Variants in CBL observed in about 807,000 individuals in gnomAD.
CBL encodes the protein E3 ubiquitin-protein ligase CBL.
In CBL, 45 loss-of-function variants were observed where a neutral mutation model predicts 96.9. The observed-to-expected ratio is 0.46, with a 90% confidence interval of 0.37 to 0.60. CBL has a LOEUF of 0.60. CBL is among the 20% of genes least tolerant of loss of function. The pLI is 0.00. For synonymous variants in CBL, 420 were observed against 426.8 expected, an observed-to-expected ratio of 0.98 and a Z score of 0.20; for missense variants, 1,024 against 1,143.5, an observed-to-expected ratio of 0.90 and a Z score of 1.51.
intron 1 of CBL, among the ~76,000 whole-genome samples, 180 bp from the exon 2 acceptor site, chr11:119,232,268 C>T (rs1052872537): frequency 6.6e-6 from 1 of 152,076 alleles, no homozygotes; most frequent in Non-Finnish European, 1.5e-5. Context: ...TTCTGGGGGA[C>T]CACTAAAAAT....
intron 12 of CBL, among the ~76,000 whole-genome samples, chr11:119,291,816 T>C (rs1322793219): frequency 6.6e-6 from 1 of 152,174 alleles, no homozygotes; most frequent in Non-Finnish European, 1.5e-5. Flanking sequence ...GTATCTTCCT[T>C]TGTGGTTTTG....
chr11:119,237,564 A>G (rs1385399508), intron 2 of CBL, among the ~76,000 whole-genome samples: 1 of 152,058 alleles, frequency 6.6e-6, no homozygotes, highest in Non-Finnish European at 1.5e-5. Context: ...TGTATATGGT[A>G]TGAGGTAGAG....
intron 1 of CBL, among the ~76,000 whole-genome samples, chr11:119,228,814 C>T (rs113350211): frequency 0.015 from 935 of 63,058 alleles, 12 homozygotes; most frequent in African/African-American, 0.073. Flanking sequence ...CTCTCTCTCT[C>T]TTTTTTTTTT....
chr11:119,227,971 T>C (rs1949471550), intron 1 of CBL, among the ~76,000 whole-genome samples: 1 of 152,222 alleles, frequency 6.6e-6, no homozygotes, highest in Non-Finnish European at 1.5e-5. Flanking sequence ...GTTGAATGAA[T>C]ATGTTGAGAA....
In CBL at chr11:119,206,681, A is replaced by T. The variant is rs2135244377; in HGVS notation, c.195+69A>T. ...GCGGAGGGCCGCGGGGAGGGGAACG[A>T]GCGGACGGAGGAAGCGGGGGAGGGG... On this transcript the variant is annotated intron_variant, in intron 1 of 15. Coordinates refer to ENST00000264033, the MANE Select transcript of CBL (RefSeq NM_005188.4). The T allele has an allele frequency of 1.9e-5, 24 of 1,296,592 alleles. No homozygotes were observed. The South Asian group carries it at 2.8e-4, about 15-fold the overall frequency. The allele number at this position is 1,296,592 out of a possible 1,614,324, so 80.3% of individuals were successfully genotyped here.
At chr11:119,220,181 A>G (rs1283037275) in intron 1 of CBL, among the ~76,000 whole-genome samples, 1 of 151,824 alleles carries the variant, frequency 6.6e-6, no homozygotes, top group African/African-American at 2.4e-5. Context: ...TTGTATATTT[A>G]GTAGAGATGG....
intron 2 of CBL, among the ~76,000 whole-genome samples, chr11:119,254,829 T>C (rs1220273910): frequency 6.6e-6 from 1 of 152,158 alleles, no homozygotes; most frequent in African/African-American, 2.4e-5. Context: ...CTGAAACTCC[T>C]GACCTCAGGT....
At chr11:119,292,241 A>G (rs189264197) in intron 12 of CBL, among the ~76,000 whole-genome samples, 1 of 152,236 alleles carries the variant, frequency 6.6e-6, no homozygotes, top group African/African-American at 2.4e-5. Context: ...AATCAGTTTT[A>G]GGACATTGTC....
chr11:119,300,786 T>C lies in CBL; in HGVS notation c.*1005T>C. The C allele has an allele frequency of 2.6e-6, 1 of 385,360 alleles. No homozygotes were observed. The highest frequency in any genetic ancestry group is 4.6e-6 in the Non-Finnish European group (1 of 217,794). 23.9% of individuals were successfully genotyped at this position (385,360 alleles called of 1,614,324 possible). On this transcript the variant is annotated 3_prime_UTR_variant, in exon 16 of 16. Coordinates refer to ENST00000264033, the MANE Select transcript of CBL (RefSeq NM_005188.4). ...TGATGTAGGTCATGAGTCTTTCTAC[T>C]TAATGGGAAGGGAAGAACATTTGTT... is the stretch of plus-strand genomic sequence containing the variant.
rs1267836314 is a variant in CBL at position 119,284,452 on chromosome 11, G to A, written c.1432-517G>A. 2.0e-5 allele frequency among the ~76,000 whole-genome samples: 3 copies of A among 151,916 alleles called. No individual in the cohort carries two copies. In the South Asian group the frequency reaches 6.2e-4, roughly 32 times the overall value. ...TCCCAAATAGCTGTGTGCCACCATG[G>A]CCCAGCTAATTTTTTATTTTATTTT... On this transcript the variant is annotated intron_variant, in intron 9 of 15. Transcript: ENST00000264033.
Position 119,268,110 on chromosome 11 carries a change from A to G in CBL, c.444-3625A>G, listed in dbSNP as rs886292244. On this transcript the variant is annotated intron_variant, in intron 2 of 15. Coordinates refer to ENST00000264033, the MANE Select transcript of CBL (RefSeq NM_005188.4). The stretch of plus-strand genomic sequence containing the variant: ...AGAAAGATAGGTTAGATCCAGGTCA[A>G]TGGAAAGCCTTAAAATCCAAGCTGA... Among the ~76,000 whole-genome samples, 20 of 152,254 alleles carry G rather than the reference A, an allele frequency of 1.3e-4. 1 individual carries two copies. The highest frequency in any genetic ancestry group is 6.3e-3 in the Middle Eastern group (2 of 316).
At position 119,285,247 on chromosome 11, in the gene CBL, A is replaced by G; in HGVS notation, c.1622A>G (p.Asp541Gly). ...KPLPVPPTLR[D>G]LPPPPPPDRP... is the part of the protein sequence containing the mutation. Reference sequence around the variant, plus strand: ...TTGCCAGTACCTCCCACACTTCGAGATCTTCCACCACCACCGCCTCCAGAC... The same window carrying G: ...TTGCCAGTACCTCCCACACTTCGAGGTCTTCCACCACCACCGCCTCCAGAC... Residue 541 changes from aspartate to glycine, a missense_variant, in exon 11 of 16, where the codon GAT (aspartate) becomes GGT (glycine). Transcript: ENST00000264033. The G allele has an allele frequency of 1.2e-6, 2 of 1,613,806 alleles. No homozygotes were observed. The highest frequency in any genetic ancestry group is 1.3e-5 in the African/African-American group (1 of 74,914).
At chr11:119,235,732 T>C (rs977852543) in intron 2 of CBL, among the ~76,000 whole-genome samples, 1 of 152,240 alleles carries the variant, frequency 6.6e-6, no homozygotes, top group South Asian at 2.1e-4. Flanking sequence ...CTCAACTATA[T>C]CTAATTTGCC....
intron 2 of CBL, among the ~76,000 whole-genome samples, chr11:119,263,646 C>CGTTTT (rs539584266): frequency 4.3e-4 from 65 of 152,116 alleles, no homozygotes; most frequent in Middle Eastern, 3.4e-3. Context: ...TGATGGTTTT[C>CGTTTT]GTTTTGTTTT....
intron 2 of CBL, among the ~76,000 whole-genome samples, chr11:119,239,521 C>A (rs142847424): frequency 7.0e-4 from 106 of 152,304 alleles, no homozygotes; most frequent in African/African-American, 2.4e-3. Context: ...TTCCTAGATA[C>A]CAGATCATGT....
chr11:119,277,649 A>G (rs1254382103), intron 6 of CBL, 108 bp from the exon 7 acceptor site: 62 of 742,624 alleles, frequency 8.3e-5, no homozygotes, highest in African/African-American at 1.7e-5. Flanking sequence ...TTATACTTAC[A>G]CCACGTTGCC....
chr11:119,287,144 T>A (rs1949990414), intron 11 of CBL, among the ~76,000 whole-genome samples: 1 of 152,198 alleles, frequency 6.6e-6, no homozygotes, highest in Non-Finnish European at 1.5e-5. Context: ...GAGAGAATCA[T>A]TGTTTATGAG....
intron 1 of CBL, among the ~76,000 whole-genome samples, chr11:119,224,682 C>T (rs1448547775): frequency 6.6e-6 from 1 of 151,962 alleles, no homozygotes; most frequent in Non-Finnish European, 1.5e-5. Context: ...CCTCTGCCTC[C>T]CGGGTTCAAG....
intron 1 of CBL, among the ~76,000 whole-genome samples, chr11:119,214,248 T>A (rs866615611): frequency 1.1e-4 from 17 of 151,878 alleles, no homozygotes; most frequent in Non-Finnish European, 2.4e-4. Flanking sequence ...CGGACTTTTT[T>A]TTTTTTTTTA....
Sources: allele counts gnomAD v4.1 joint callset (sites outside exome capture counted in the v4.1 genomes callset), GRCh38; gene constraint gnomAD v4.1.1; transcripts MANE v1.5; gene names NCBI Gene and HGNC (gene_info 2026-07-23, HGNC 2026-07-21).